The following BMPR1A variants were observed in gnomAD, a reference collection of about 807,000 sequenced individuals.
The protein encoded by BMPR1A is bone morphogenetic protein receptor type 1A, also known as bone morphogenetic protein receptor type-1A.
In BMPR1A, 7 loss-of-function variants were observed where a neutral mutation model predicts 66.0. That is an observed-to-expected ratio of 0.11 (90% CI 0.06 to 0.20). BMPR1A has a LOEUF of 0.20. BMPR1A is among the 10% of genes least tolerant of loss of function. The pLI is 1.00. For missense variants in BMPR1A, 408 were observed against 669.1 expected (o/e 0.61, Z 4.31); for synonymous variants, 200 against 229.7 (o/e 0.87, Z 1.17).
intron 3 of BMPR1A, among the ~76,000 whole-genome samples, chr10:86,881,721 A>T (rs745837098): frequency 3.3e-5 from 5 of 152,254 alleles, no homozygotes; most frequent in Non-Finnish European, 7.3e-5. Context: ...ACTAGTAAAT[A>T]CCGGACAAGT....
chr10:86,872,463 T>A (rs1212612970), intron 2 of BMPR1A, among the ~76,000 whole-genome samples: 1 of 152,162 alleles, frequency 6.6e-6, no homozygotes, highest in Non-Finnish European at 1.5e-5. Flanking sequence ...CTTTGATAAG[T>A]TCCTTAAAGT....
chr10:86,878,663 G>T (rs945693106), intron 3 of BMPR1A, among the ~76,000 whole-genome samples: 1 of 152,166 alleles, frequency 6.6e-6, no homozygotes, highest in Non-Finnish European at 1.5e-5. Flanking sequence ...TTTGAGGCAG[G>T]TAAAACGGGG....
intron 1 of BMPR1A, among the ~76,000 whole-genome samples, chr10:86,803,496 C>T (rs953941082): frequency 6.6e-6 from 1 of 152,092 alleles, no homozygotes; most frequent in Non-Finnish European, 1.5e-5. Flanking sequence ...TATAGTTTTA[C>T]ATTTTATATT....
rs1843661504 is a variant in BMPR1A at position 86,921,384 on chromosome 10, A to C, written c.1167-136A>C. 6.8e-6 allele frequency: 8 copies of C among 1,175,854 alleles called. No individual in the cohort carries two copies. The South Asian group carries it at 1.1e-4, about 16-fold the overall frequency. 72.8% of individuals were successfully genotyped at this position (1,175,854 alleles called of 1,614,324 possible). On this transcript the variant is annotated intron_variant, in intron 10 of 12. Coordinates refer to ENST00000372037, the MANE Select transcript of BMPR1A (RefSeq NM_004329.3). ...GTATGTAGCATGTATTTAAAGAAAA[A>C]TCTGAAAAATGCTAAATTCCACAAT...
chr10:86,764,469 GA>G (rs1285549651), intron 1 of BMPR1A, among the ~76,000 whole-genome samples: 13 of 152,180 alleles, frequency 8.5e-5, no homozygotes, highest in Admixed American at 3.3e-4. Context: ...AAATGTGGGG[GA>G]AAAATTGCAT....
intron 1 of BMPR1A, among the ~76,000 whole-genome samples, chr10:86,809,764 A>G (rs888716649): frequency 1.3e-5 from 2 of 151,872 alleles, no homozygotes; most frequent in Middle Eastern, 3.2e-3. Flanking sequence ...CTCTTTACCC[A>G]TTAAACAATA....
At chr10:86,780,907 G>T (rs1425178599) in intron 1 of BMPR1A, among the ~76,000 whole-genome samples, 1 of 152,066 alleles carries the variant, frequency 6.6e-6, no homozygotes, top group South Asian at 2.1e-4. Flanking sequence ...TTGAGACAAG[G>T]TCTCACCACG....
intron 1 of BMPR1A, among the ~76,000 whole-genome samples, chr10:86,818,452 C>T (rs906481013): frequency 1.3e-5 from 2 of 152,058 alleles, no homozygotes; most frequent in Admixed American, 6.5e-5. Flanking sequence ...AATAGTTCTT[C>T]GGTTAATAAT....
chr10:86,762,072 G>T (rs1177667328), intron 1 of BMPR1A, among the ~76,000 whole-genome samples: 1 of 152,170 alleles, frequency 6.6e-6, no homozygotes, highest in African/African-American at 2.4e-5. Context: ...ACAAGTGACA[G>T]CCCTAACTCA....
At chr10:86,915,424 A>T (rs7091555) in intron 8 of BMPR1A, among the ~76,000 whole-genome samples, 1 of 152,020 alleles carries the variant, frequency 6.6e-6, no homozygotes, top group African/African-American at 2.4e-5. Flanking sequence ...AGGCTTGTTG[A>T]ACTTTTCTCA....
intron 5 of BMPR1A, among the ~76,000 whole-genome samples, chr10:86,898,621 T>C (rs1378429185): frequency 6.6e-6 from 1 of 152,218 alleles, no homozygotes; most frequent in Non-Finnish European, 1.5e-5. Flanking sequence ...TCCACTGTCA[T>C]GTCAGCAGTA....
intron 1 of BMPR1A, among the ~76,000 whole-genome samples, chr10:86,760,304 A>T (rs1250147166): frequency 8.5e-6 from 1 of 118,328 alleles, no homozygotes; most frequent in Non-Finnish European, 1.6e-5. Context: ...CCTGGGCTGG[A>T]GTGCAATGGC....
intron 2 of BMPR1A, among the ~76,000 whole-genome samples, chr10:86,839,655 T>C (rs1425920766): frequency 6.6e-6 from 1 of 151,932 alleles, no homozygotes; most frequent in African/African-American, 2.4e-5. Flanking sequence ...TCTGAAATTT[T>C]TACGCTTTTT....
At chr10:86,845,185 T>A (rs1564701460) in intron 2 of BMPR1A, among the ~76,000 whole-genome samples, 1 of 152,210 alleles carries the variant, frequency 6.6e-6, no homozygotes, top group Non-Finnish European at 1.5e-5. Flanking sequence ...GCTGATAGGT[T>A]ATTTGGGAGA....
At chr10:86,907,382 G>A (rs543798588) in intron 7 of BMPR1A, among the ~76,000 whole-genome samples, 35 of 152,240 alleles carry the variant, frequency 2.3e-4, no homozygotes, top group Non-Finnish European at 4.8e-4. Context: ...CACTGCTGGT[G>A]GAAATGTAAA....
At chr10:86,773,854 C>CTTTT (rs34632382) in intron 1 of BMPR1A, among the ~76,000 whole-genome samples, 2 of 142,118 alleles carry the variant, frequency 1.4e-5, no homozygotes, top group Non-Finnish European at 1.5e-5. Context: ...GTATTTCATT[C>CTTTT]TTTTTTTTTT....
chr10:86,895,125 A>G (rs1843208036), intron 5 of BMPR1A, among the ~76,000 whole-genome samples: 3 of 152,252 alleles, frequency 2.0e-5, no homozygotes, highest in South Asian at 2.1e-4. Context: ...AAGTGTTTAC[A>G]TGACAGATGG....
intron 2 of BMPR1A, among the ~76,000 whole-genome samples, chr10:86,842,738 A>G (rs1282036767): frequency 6.6e-6 from 1 of 152,196 alleles, no homozygotes; most frequent in Non-Finnish European, 1.5e-5. Context: ...CCATGTGGCT[A>G]GAGAGGCCTT....
intron 1 of BMPR1A, among the ~76,000 whole-genome samples, chr10:86,824,199 A>G (rs906269906): frequency 1.3e-5 from 2 of 152,056 alleles, no homozygotes; most frequent in African/African-American, 4.8e-5. Flanking sequence ...CCAAAGGTAC[A>G]TGCTGTGTTT....
Sources: gnomAD v4.1 joint callset for allele counts (sites outside exome capture counted in the v4.1 genomes callset) on GRCh38, gnomAD v4.1.1 for gene constraint, MANE v1.5 for transcripts, NCBI Gene and HGNC (gene_info 2026-07-23, HGNC 2026-07-21) for gene names.